Variants in ACSM2A observed in about 807,000 individuals in gnomAD.
The protein encoded by ACSM2A is acyl-CoA synthetase medium chain family member 2A.
In ACSM2A, 72 loss-of-function variants were observed where a neutral mutation model predicts 76.6. The observed-to-expected ratio is 0.94, with a 90% CI of 0.78 to 1.14. The LOEUF is 1.14. ACSM2A is among the 50% of genes most tolerant of loss of function. ACSM2A has a pLI of 0.00. For synonymous variants in ACSM2A, 249 were observed against 255.9 expected (o/e 0.97, Z 0.26); for missense variants, 684 against 708.5 (o/e 0.97, Z 0.39).
chr16:20,462,939 A>G (rs1316419353), intron 2 of ACSM2A, among the ~76,000 whole-genome samples: 2 of 151,918 alleles, frequency 1.3e-5, no homozygotes, highest in African/African-American at 4.8e-5. Flanking sequence ...ATCAACAAAT[A>G]GACAAAAAAT....
chr16:20,485,340 A>G (rs1391990313), intron 13 of ACSM2A, among the ~76,000 whole-genome samples: 1 of 152,178 alleles, frequency 6.6e-6, no homozygotes, highest in Non-Finnish European at 1.5e-5. Context: ...TTCTCAAGGC[A>G]GCGGATTATT....
chr16:20,475,060 G>A (rs1400822017), intron 6 of ACSM2A, among the ~76,000 whole-genome samples: 2 of 152,160 alleles, frequency 1.3e-5, no homozygotes, highest in African/African-American at 4.8e-5. Context: ...TACTCCTAGG[G>A]GTGTGTTAAC....
chr16:20,465,438 G>A (rs2012926460), intron 2 of ACSM2A, 79 bp from the exon 3 acceptor site: 1 of 1,545,912 alleles, frequency 6.5e-7, no homozygotes, highest in Non-Finnish European at 8.8e-7. Context: ...GCACCAACTT[G>A]GCAATCCCAA....
At chr16:20,460,077 T>A (rs1475536625) in intron 1 of ACSM2A, 30 bp from the exon 2 acceptor site, 1 of 1,580,244 alleles carries the variant, frequency 6.3e-7, no homozygotes, top group African/African-American at 1.4e-5. Context: ...TTAAAGAAGC[T>A]CTCACCTGTG....
At chr16:20,470,910 T>A in intron 4 of ACSM2A, 163 bp from the exon 5 acceptor site, 1 of 1,121,690 alleles carries the variant, frequency 8.9e-7, no homozygotes, top group Non-Finnish European at 1.3e-6. Context: ...CCAACTCTGA[T>A]TGACTCAGAC....
chr16:20,453,858 A>C (rs1308863353), intron 1 of ACSM2A: 1 of 130,000 alleles, frequency 7.7e-6, no homozygotes, highest in Non-Finnish European at 1.6e-5. Context: ...GGTGTCCTGC[A>C]GTACCCTCAG....
chr16:20,469,262 C>T (rs896790774), intron 3 of ACSM2A, among the ~76,000 whole-genome samples: 1 of 152,146 alleles, frequency 6.6e-6, no homozygotes, highest in East Asian at 1.9e-4. Context: ...AGACTATCAA[C>T]AATGTGACAT....
In ACSM2A at chr16:20,475,692, G is replaced by T; in HGVS notation, c.1017G>T (p.Glu339Asp). ...TACAGAACTGCGTCACTGTAGGGGAGTCCCTTCTTCCAGAAACTCTGGAGA... is the reference window on the plus strand; with the variant it reads ...TACAGAACTGCGTCACTGTAGGGGATTCCCTTCTTCCAGAAACTCTGGAGA... Reference protein sequence around the residue: ...PHLQNCVTVGESLLPETLENW... With the variant: ...PHLQNCVTVGDSLLPETLENW... Residue 339 changes from glutamate (E) to aspartate (D), a missense_variant, in exon 8 of 14, where the codon GAG becomes GAT. By Grantham distance (45) the Glu-to-Asp change is conservative. Transcript: ENST00000573854. 4 of 1,614,038 alleles carry T rather than the reference G, an allele frequency of 2.5e-6. No individual in the cohort carries two copies. The highest frequency in any genetic ancestry group is 2.2e-5 in the East Asian group (1 of 44,882).
chr16:20,473,326 G>T (rs779958406), intron 6 of ACSM2A, among the ~76,000 whole-genome samples: 2 of 152,074 alleles, frequency 1.3e-5, no homozygotes, highest in Non-Finnish European at 2.9e-5. Flanking sequence ...TTTTTATTAA[G>T]TTCCACCATT....
chr16:20,477,221 G>C, intron 8 of ACSM2A, 148 bp from the exon 9 acceptor site: 3 of 1,313,068 alleles, frequency 2.3e-6, no homozygotes, highest in Non-Finnish European at 3.0e-6. Flanking sequence ...GTAATGGGGA[G>C]AGAGCCAGGG....
Position 20,475,774 on chromosome 16 carries a change from G to C in ACSM2A, c.1098+1G>C, listed in dbSNP as rs376985838. 2.5e-6 allele frequency: 4 copies of C among 1,613,794 alleles called. No homozygotes were observed. The highest frequency in any genetic ancestry group is 1.7e-6 in the Non-Finnish European group (2 of 1,179,800). On this transcript the variant is annotated splice_donor_variant, in intron 8 of 13. Transcript: ENST00000573854. LOFTEE classifies it high-confidence loss of function. ...AGAATCCTATGGCCAGACAGAAACG[G>C]TACCTGTTCCCAGGGGAACCATGGG... is the stretch of plus-strand genomic sequence containing the variant.
At chr16:20,480,473 T>G (rs907961113) in intron 10 of ACSM2A, 100 bp from the exon 11 acceptor site, 2 of 1,522,812 alleles carry the variant, frequency 1.3e-6, no homozygotes, top group Non-Finnish European at 1.8e-6. Context: ...ACTGCACACC[T>G]GCAGTTTTAA....
At chr16:20,457,446 T>C (rs1169673541) in intron 1 of ACSM2A, among the ~76,000 whole-genome samples, 1 of 152,072 alleles carries the variant, frequency 6.6e-6, no homozygotes, top group Non-Finnish European at 1.5e-5. Context: ...TCCAACAGCA[T>C]ATCAAAAAGA....
chr16:20,481,159 A>T, intron 12 of ACSM2A: 1 of 542,642 alleles, frequency 1.8e-6, no homozygotes, highest in Non-Finnish European at 3.2e-6. Context: ...AAAGTACTTA[A>T]GTATGGTGAT....
chr16:20,485,435 A>T (rs1222329032), intron 13 of ACSM2A, among the ~76,000 whole-genome samples: 1 of 152,132 alleles, frequency 6.6e-6, no homozygotes, highest in Non-Finnish European at 1.5e-5. Flanking sequence ...CCTTCTTAGC[A>T]TTAAATCTGG....
chr16:20,454,113 T>G (rs1469442848), intron 1 of ACSM2A, among the ~76,000 whole-genome samples: 2 of 129,562 alleles, frequency 1.5e-5, no homozygotes, highest in Non-Finnish European at 3.2e-5. Context: ...AATAAAAACT[T>G]GCTGGTTTTG....
intron 12 of ACSM2A, chr16:20,482,840 C>G: frequency 1.8e-6 from 1 of 564,434 alleles, no homozygotes; most frequent in Non-Finnish European, 2.9e-6. Flanking sequence ...TGAGCCTAGT[C>G]TCAATCTTTT....
intron 6 of ACSM2A, among the ~76,000 whole-genome samples, chr16:20,472,990 G>C (rs1358852892): frequency 6.6e-6 from 1 of 152,118 alleles, no homozygotes; most frequent in Admixed American, 6.5e-5. Context: ...CATTAAGTAA[G>C]ACCCACAGAC....
At chr16:20,469,792 C>T in intron 4 of ACSM2A, 73 bp downstream of exon 4, 13 of 1,580,790 alleles carry the variant, frequency 8.2e-6, no homozygotes, top group Non-Finnish European at 7.8e-6. Flanking sequence ...GGTGCAGGTG[C>T]TTTATTGAGG....
Sources: allele counts gnomAD v4.1 joint callset (sites outside exome capture counted in the v4.1 genomes callset), GRCh38; gene constraint gnomAD v4.1.1; transcripts MANE v1.5; gene names NCBI Gene and HGNC (gene_info 2026-07-23, HGNC 2026-07-21).